RICTOR: variants seen among roughly 807,000 people sequenced by gnomAD.
The protein encoded by RICTOR is rapamycin-insensitive companion of mTOR.
In RICTOR, 49 loss-of-function variants were observed where a neutral mutation model predicts 214.9. The ratio of observed to expected loss-of-function variants is 0.23; its 90% CI spans 0.18 to 0.29. The LOEUF (loss-of-function observed/expected upper bound fraction) is 0.29. RICTOR is among the 10% of genes least tolerant of loss of function. The probability of loss-of-function intolerance (pLI) is 1.00; values close to 1 mark genes in which losing one functional copy is unlikely to be tolerated. For missense variants in RICTOR, 1,625 were observed against 2,047.0 expected (o/e 0.79, Z 3.98); for synonymous variants, 717 against 711.3 (o/e 1.01, Z -0.13).
At chr5:39,024,443 T>C (rs774575160) in intron 2 of RICTOR, among the ~76,000 whole-genome samples, 3 of 152,202 alleles carry the variant, frequency 2.0e-5, no homozygotes, top group Non-Finnish European at 4.4e-5. Context: ...ATAAATTGTA[T>C]CTGTTTGAAA....
chr5:38,955,724 T>A lies in RICTOR; in HGVS notation c.2500-20A>T. The A allele has an allele frequency of 7.9e-7, 1 of 1,272,410 alleles. No homozygotes were observed. The highest frequency in any genetic ancestry group is 1.2e-6 in the Non-Finnish European group (1 of 868,400). The allele number at this position is 1,272,410 out of a possible 1,614,324, so 78.8% of individuals were successfully genotyped here. ...GTATTCCTAGAGGATAATATTGTTTTAATTGCACATAGTATCACAATGAGT... is the reference window on the plus strand; with the variant it reads ...GTATTCCTAGAGGATAATATTGTTTAAATTGCACATAGTATCACAATGAGT... On this transcript the variant is annotated intron_variant, in intron 25 of 37. Coordinates refer to ENST00000357387, the MANE Select transcript of RICTOR (RefSeq NM_152756.5).
At chr5:39,065,113 G>A (rs1234849067) in intron 2 of RICTOR, among the ~76,000 whole-genome samples, 1 of 152,192 alleles carries the variant, frequency 6.6e-6, no homozygotes, top group African/African-American at 2.4e-5. Flanking sequence ...TATAAGAAAA[G>A]AGGTTTAATT....
At chr5:39,016,301 C>A (rs1005517948) in intron 3 of RICTOR, among the ~76,000 whole-genome samples, 1 of 138,540 alleles carries the variant, frequency 7.2e-6, no homozygotes, top group East Asian at 2.1e-4. Flanking sequence ...AGTGGTACAA[C>A]GGAGAAAAGG....
At position 38,942,046 on chromosome 5, in the gene RICTOR, C is replaced by G. The variant is rs1747625387; in HGVS notation, c.*258G>C. 1 of 345,646 alleles carries G rather than the reference C, an allele frequency of 2.9e-6. No homozygotes were observed. The highest frequency in any genetic ancestry group is 5.2e-6 in the Non-Finnish European group (1 of 191,588). 21.4% of individuals were successfully genotyped at this position (345,646 alleles called of 1,614,324 possible). On this transcript the variant is annotated 3_prime_UTR_variant, in exon 38 of 38. Coordinates refer to ENST00000357387, the MANE Select transcript of RICTOR (RefSeq NM_152756.5). ...GTAGGTATTCAGTGCTTGGCTCTTGCATACAATGGTAACTGAAACTCTTAA... is the reference window on the plus strand; with the variant it reads ...GTAGGTATTCAGTGCTTGGCTCTTGGATACAATGGTAACTGAAACTCTTAA...
At chr5:39,068,551 T>C (rs1040634018) in intron 2 of RICTOR, among the ~76,000 whole-genome samples, 2 of 152,064 alleles carry the variant, frequency 1.3e-5, no homozygotes, top group Admixed American at 1.3e-4. Context: ...GCCTAGAAAA[T>C]GTGTGTATGT....
chr5:38,966,582 G>T, intron 15 of RICTOR, 59 bp downstream of exon 15: 4 of 836,378 alleles, frequency 4.8e-6, no homozygotes, highest in East Asian at 2.5e-5. Context: ...AAAATAACTT[G>T]TTTTATAAAT....
At position 39,060,217 on chromosome 5, in the gene RICTOR, G is replaced by A. The variant is rs188666792; in HGVS notation, c.97+13894C>T. On this transcript the variant is annotated intron_variant, in intron 2 of 37. Coordinates refer to ENST00000357387, the MANE Select transcript of RICTOR (RefSeq NM_152756.5). ...AGGCAATTACCTATTTGGAAAACCT[G>A]TACTCAAATGTAAGCACTCCAAAAA... is the stretch of plus-strand genomic sequence containing the variant. Among the ~76,000 whole-genome samples, 11 of 152,104 alleles carry A rather than the reference G, an allele frequency of 7.2e-5. No individual in the cohort carries two copies. In the East Asian group the frequency reaches 2.1e-3, roughly 29 times the overall value.
At chr5:38,978,697 ATCCT>A in intron 8 of RICTOR, 47 bp from the exon 9 acceptor site, 1 of 899,504 alleles carries the variant, frequency 1.1e-6, no homozygotes, top group Non-Finnish European at 1.7e-6. Context: ...TTTAAAATGC[ATCCT>A]TCCTGCATTT....
intron 2 of RICTOR, among the ~76,000 whole-genome samples, chr5:39,056,812 T>C (rs1758237189): frequency 6.6e-6 from 1 of 152,122 alleles, no homozygotes; most frequent in Admixed American, 6.5e-5. Context: ...CCAGAAAGAA[T>C]ATGATAAAAG....
At chr5:38,952,935 T>G in intron 29 of RICTOR, 50 bp downstream of exon 29, 1 of 1,096,328 alleles carries the variant, frequency 9.1e-7, no homozygotes, top group East Asian at 2.4e-5. Context: ...AACATCCATT[T>G]GTGAATAACA....
intron 3 of RICTOR, among the ~76,000 whole-genome samples, chr5:39,019,849 G>A (rs781194307): frequency 2.6e-5 from 4 of 152,188 alleles, no homozygotes; most frequent in Non-Finnish European, 5.9e-5. Flanking sequence ...TCTGGGCAAA[G>A]CAAACTGAAA....
chr5:39,002,970 C>T (rs773199940), intron 4 of RICTOR, among the ~76,000 whole-genome samples: 2 of 151,996 alleles, frequency 1.3e-5, no homozygotes, highest in Non-Finnish European at 2.9e-5. Flanking sequence ...TTTATATAAA[C>T]AATGGTACAG....
intron 2 of RICTOR, among the ~76,000 whole-genome samples, chr5:39,053,839 GC>G (rs1417249149): frequency 7.0e-6 from 1 of 142,540 alleles, no homozygotes; most frequent in African/African-American, 2.8e-5. Flanking sequence ...CCTGCAGTGA[GC>G]CGAGATTGCG....
intron 2 of RICTOR, among the ~76,000 whole-genome samples, chr5:39,055,105 C>T (rs1758112214): frequency 6.6e-6 from 1 of 152,156 alleles, no homozygotes; most frequent in African/African-American, 2.4e-5. Flanking sequence ...AGTCTATTGT[C>T]CAAGGGGCAG....
At chr5:38,943,139 T>A in intron 36 of RICTOR, 168 bp from the exon 37 acceptor site, 1 of 463,348 alleles carries the variant, frequency 2.2e-6, no homozygotes, top group Non-Finnish European at 3.7e-6. Context: ...TGTCACACAC[T>A]TAGACATTCT....
Position 39,052,427 on chromosome 5 carries a change from G to A in RICTOR, c.97+21684C>T, listed in dbSNP as rs140938240. ...TTGGACATTGTTTTTGCAACCTATC[G>A]TGTCTACAAATACTTATTTTTCACT... is the stretch of plus-strand genomic sequence containing the variant. On this transcript the variant is annotated intron_variant, in intron 2 of 37. Transcript: ENST00000357387. Among the ~76,000 whole-genome samples, 430 of 152,118 alleles carry A rather than the reference G, an allele frequency of 2.8e-3. 4 individuals carry two copies. The highest frequency in any genetic ancestry group is 0.01 in the Middle Eastern group (3 of 294).
intron 19 of RICTOR, among the ~76,000 whole-genome samples, chr5:38,960,782 A>T (rs770269386): frequency 8.6e-5 from 13 of 152,044 alleles, no homozygotes; most frequent in Non-Finnish European, 1.5e-4. Flanking sequence ...ATGAGAGGAG[A>T]TAAGATTATG....
chr5:39,057,381 T>C (rs976384427), intron 2 of RICTOR, among the ~76,000 whole-genome samples: 1 of 152,170 alleles, frequency 6.6e-6, no homozygotes, highest in African/African-American at 2.4e-5. Flanking sequence ...TTCTGGGATG[T>C]CTGCGAAATT....
chr5:39,004,081 A>C (rs1168884594), intron 3 of RICTOR, among the ~76,000 whole-genome samples: 1 of 152,124 alleles, frequency 6.6e-6, no homozygotes, highest in East Asian at 1.9e-4. Flanking sequence ...ATTACTGTTA[A>C]TGGGTTTTAA....
Sources: allele counts gnomAD v4.1 joint callset (sites outside exome capture counted in the v4.1 genomes callset), GRCh38; gene constraint gnomAD v4.1.1; transcripts MANE v1.5; gene names NCBI Gene and HGNC (gene_info 2026-07-23, HGNC 2026-07-21).